CADPS: variants seen among roughly 807,000 people sequenced by gnomAD.
The protein encoded by CADPS is calcium dependent secretion activator.
In CADPS, 57 loss-of-function variants were observed where a neutral mutation model predicts 167.3. The observed-to-expected ratio is 0.34, with a 90% CI of 0.28 to 0.42. The LOEUF (loss-of-function observed/expected upper bound fraction) is 0.42. Among genes scored for constraint, CADPS ranks in the 20% least tolerant of loss-of-function variants. CADPS has a pLI of 1.00. For synonymous variants in CADPS, 676 were observed against 635.3 expected (o/e 1.06, Z -0.96); for missense variants, 1,414 against 1,738.1 (o/e 0.81, Z 3.32).
rs529449445 is a variant in CADPS, at chr3:62,557,342, T to C, written c.1753+63A>G. 9.1e-5 allele frequency: 99 copies of C among 1,090,760 alleles called. No homozygotes were observed. The East Asian group carries it at 1.7e-3, about 19-fold the overall frequency. The allele number at this position is 1,090,760 out of a possible 1,614,324, so 67.6% of individuals were successfully genotyped here. ...GGAGTAAGTGCCCAGCAATTATTAG[T>C]TGACCATTGATTTGGGAAGGTTGAG... On this transcript the variant is annotated intron_variant, in intron 10 of 29. Transcript: ENST00000383710.
At position 62,778,747 on chromosome 3, in the gene CADPS, G is replaced by T. The variant is rs987511859; in HGVS notation, c.442-12763C>A. Among the ~76,000 whole-genome samples the T allele has an allele frequency of 2.6e-5, 4 of 152,136 alleles. No individual in the cohort carries two copies. In the South Asian group the frequency reaches 8.3e-4, roughly 32 times the overall value. ...ACGAGCATTTCTGACATAAGCCAAAGTTAAGAGCCATTGCAAGAAACACTT... is the reference window on the plus strand; with the variant it reads ...ACGAGCATTTCTGACATAAGCCAAATTTAAGAGCCATTGCAAGAAACACTT... On this transcript the variant is annotated intron_variant, in intron 1 of 29. Transcript: ENST00000383710.
chr3:62,407,450 A>C (rs925978868), intron 28 of CADPS, among the ~76,000 whole-genome samples: 1 of 152,200 alleles, frequency 6.6e-6, no homozygotes, highest in East Asian at 1.9e-4. Flanking sequence ...AAAAAGATTC[A>C]GACACAGAAT....
At chr3:62,622,133 T>C (rs1312552174) in intron 6 of CADPS, among the ~76,000 whole-genome samples, 1 of 152,126 alleles carries the variant, frequency 6.6e-6, no homozygotes, top group Non-Finnish European at 1.5e-5. Context: ...CCTGGGTTGG[T>C]TTGGCCCGCA....
intron 6 of CADPS, among the ~76,000 whole-genome samples, chr3:62,632,707 C>T (rs2065518937): frequency 6.6e-6 from 1 of 152,102 alleles, no homozygotes; most frequent in African/African-American, 2.4e-5. Flanking sequence ...AGCACGACCA[C>T]AAGCACAGTG....
chr3:62,665,432 G>A (rs1297340823), intron 3 of CADPS, among the ~76,000 whole-genome samples: 3 of 152,292 alleles, frequency 2.0e-5, no homozygotes, highest in East Asian at 3.9e-4. Context: ...AGAGGAACAT[G>A]CCCCAAATCA....
intron 1 of CADPS, among the ~76,000 whole-genome samples, chr3:62,823,811 A>T (rs867562816): frequency 1.3e-5 from 2 of 152,174 alleles, no homozygotes; most frequent in African/African-American, 4.8e-5. Context: ...TACTATTTCA[A>T]TTCCTGCTGG....
chr3:62,786,161 C>T (rs1021929331), intron 1 of CADPS, among the ~76,000 whole-genome samples: 2 of 151,754 alleles, frequency 1.3e-5, no homozygotes, highest in Admixed American at 1.3e-4. Flanking sequence ...TGCAGTGAGC[C>T]GAGATTGTGC....
chr3:62,819,265 C>G (rs534811586), intron 1 of CADPS, among the ~76,000 whole-genome samples: 4 of 152,096 alleles, frequency 2.6e-5, no homozygotes, highest in Non-Finnish European at 5.9e-5. Flanking sequence ...TGTTTGTAAA[C>G]CACTACATCA....
chr3:62,536,517 G>A lies in CADPS; in HGVS notation c.2031C>T (p.Asp677=), dbSNP rs1228167787. Residue 677 remains aspartate (D), a synonymous_variant, in exon 12 of 30, where the codon GAC becomes GAT. Coordinates refer to ENST00000383710, the MANE Select transcript of CADPS (RefSeq NM_003716.4). ...EFISSNPCNF[D]HASLFEMVQR... ...GTACCATCTCAAAGAGGGAAGCGTGGTCAAAGTTACAGGGGTTGGAAGAGA... is the reference window on the plus strand; with the variant it reads ...GTACCATCTCAAAGAGGGAAGCGTGATCAAAGTTACAGGGGTTGGAAGAGA... The A allele has an allele frequency of 6.2e-7, 1 of 1,613,238 alleles. No homozygotes were observed. Among genetic ancestry groups the A allele is most frequent in the South Asian group, 1.1e-5 (1 of 91,058 alleles).
intron 9 of CADPS, among the ~76,000 whole-genome samples, chr3:62,567,695 G>T (rs1406405518): frequency 1.4e-5 from 2 of 143,760 alleles, no homozygotes; most frequent in Admixed American, 1.5e-4. Flanking sequence ...CTGCCTCCGC[G>T]TTCCCTGTAG....
At chr3:62,502,687 G>T (rs2065961542) in intron 17 of CADPS, among the ~76,000 whole-genome samples, 1 of 152,122 alleles carries the variant, frequency 6.6e-6, no homozygotes, top group Non-Finnish European at 1.5e-5. Flanking sequence ...AAGGTGAACA[G>T]AAAAGCAAAC....
intron 14 of CADPS, 56 bp downstream of exon 14, chr3:62,518,093 G>T: frequency 8.1e-7 from 1 of 1,227,468 alleles, no homozygotes; most frequent in Non-Finnish European, 1.2e-6. Context: ...AAGTCCTTTA[G>T]TTTTCCCTTC....
intron 3 of CADPS, among the ~76,000 whole-genome samples, chr3:62,724,104 G>A (rs75795114): frequency 0.021 from 3,127 of 152,310 alleles, 93 homozygotes; most frequent in African/African-American, 0.07. Context: ...AGAATGCTCA[G>A]GAGCTCCTCC....
chr3:62,671,874 T>A (rs1373414020), intron 3 of CADPS, among the ~76,000 whole-genome samples: 1 of 152,158 alleles, frequency 6.6e-6, no homozygotes, highest in African/African-American at 2.4e-5. Context: ...GTGATTATCC[T>A]GCCTCAGCCT....
intron 6 of CADPS, among the ~76,000 whole-genome samples, chr3:62,641,289 T>C (rs2067367355): frequency 6.6e-6 from 1 of 152,174 alleles, no homozygotes; most frequent in Non-Finnish European, 1.5e-5. Context: ...TAGCATCGAA[T>C]TAAAATGTTC....
intron 1 of CADPS, among the ~76,000 whole-genome samples, chr3:62,813,992 C>G (rs1251633113): frequency 6.6e-6 from 1 of 152,102 alleles, no homozygotes; most frequent in Non-Finnish European, 1.5e-5. Context: ...GGCCATATAT[C>G]TCTCTTATCT....
At chr3:62,437,898 T>A (rs1032503118) in intron 28 of CADPS, among the ~76,000 whole-genome samples, 2 of 152,026 alleles carry the variant, frequency 1.3e-5, no homozygotes, top group African/African-American at 4.8e-5. Context: ...ATCACACAGA[T>A]TGGGACTGAG....
At chr3:62,821,191 T>C (rs1381242862) in intron 1 of CADPS, among the ~76,000 whole-genome samples, 3 of 152,176 alleles carry the variant, frequency 2.0e-5, no homozygotes, top group African/African-American at 7.2e-5. Context: ...TTGTTTGCTA[T>C]TGTTACATAA....
At chr3:62,520,917 C>T (rs997604987) in intron 13 of CADPS, among the ~76,000 whole-genome samples, 3 of 152,176 alleles carry the variant, frequency 2.0e-5, no homozygotes, top group Admixed American at 6.5e-5. Context: ...TATAATTTGG[C>T]AATGTTAGCT....
Sources: allele counts gnomAD v4.1 joint callset (sites outside exome capture counted in the v4.1 genomes callset), GRCh38; gene constraint gnomAD v4.1.1; transcripts MANE v1.5; gene names NCBI Gene and HGNC (gene_info 2026-07-23, HGNC 2026-07-21).